Variants in KCNH1 observed in about 807,000 individuals in gnomAD.
The protein encoded by KCNH1 is voltage-gated delayed rectifier potassium channel KCNH1.
A neutral mutation model predicts 69.2 loss-of-function variants in KCNH1; 27 were observed. The observed-to-expected ratio is 0.39, with a 90% confidence interval of 0.29 to 0.54. The LOEUF (loss-of-function observed/expected upper bound fraction) is 0.54. Ranked by LOEUF, KCNH1 falls within the 20% of genes least tolerant of loss-of-function variation. KCNH1 has a pLI of 0.68. For missense variants in KCNH1, 798 were observed against 1,261.6 expected (o/e 0.63, Z 5.57); for synonymous variants, 456 against 487.7 (o/e 0.93, Z 0.86).
In KCNH1 at chr1:211,096,673, C is replaced by T. The variant is rs1026090942; in HGVS notation, c.311-5983G>A. On this transcript the variant is annotated intron_variant, in intron 3 of 10. Transcript: ENST00000271751. ...GTAGGTAAGATTCCATTTTATAAGA[C>T]GTCAAACCGCTCCCTCTAATATATA... Among the ~76,000 whole-genome samples the T allele has an allele frequency of 1.9e-4, 29 of 152,232 alleles. 1 individual carries two copies. Among genetic ancestry groups the T allele is most frequent in the African/African-American group, 6.3e-4 (26 of 41,538 alleles).
intron 6 of KCNH1, among the ~76,000 whole-genome samples, chr1:210,998,801 C>G (rs950435950): frequency 6.6e-6 from 1 of 152,090 alleles, no homozygotes; most frequent in Non-Finnish European, 1.5e-5. Flanking sequence ...ACAGAAATCA[C>G]AACAAACTGT....
chr1:210,713,389 T>G (rs115383427), intron 10 of KCNH1, among the ~76,000 whole-genome samples: 6 of 152,198 alleles, frequency 3.9e-5, no homozygotes, highest in Admixed American at 2.0e-4. Context: ...CTTTCAGCAC[T>G]GAAGATGCAG....
At chr1:211,033,584 A>G (rs536314574) in intron 5 of KCNH1, among the ~76,000 whole-genome samples, 178 of 152,372 alleles carry the variant, frequency 1.2e-3, no homozygotes, top group African/African-American at 4.2e-3. Context: ...CTATGCAGCC[A>G]TAAAAAATGA....
chr1:210,962,170 A>G (rs1338006474), intron 6 of KCNH1, among the ~76,000 whole-genome samples: 2 of 152,206 alleles, frequency 1.3e-5, no homozygotes, highest in Non-Finnish European at 2.9e-5. Context: ...TTACTCAGGA[A>G]GACTGCTGAG....
intron 6 of KCNH1, among the ~76,000 whole-genome samples, chr1:211,007,253 G>C (rs563134834): frequency 1.3e-5 from 2 of 152,116 alleles, no homozygotes. Context: ...GAATGATAAC[G>C]TAAGAAATCA....
intron 5 of KCNH1, among the ~76,000 whole-genome samples, chr1:211,067,924 G>C (rs143089080): frequency 6.6e-6 from 1 of 152,284 alleles, no homozygotes; most frequent in East Asian, 1.9e-4. Context: ...ACCGCTCCAG[G>C]TTTAGAGGAT....
At chr1:210,880,874 C>T (rs1357883336) in intron 7 of KCNH1, among the ~76,000 whole-genome samples, 1 of 151,752 alleles carries the variant, frequency 6.6e-6, no homozygotes, top group Non-Finnish European at 1.5e-5. Flanking sequence ...CTCTAAAACT[C>T]AAAAATAAAA....
chr1:210,738,552 CTTTTTTTTT>C (rs57669878), intron 10 of KCNH1, among the ~76,000 whole-genome samples: 1,237 of 49,118 alleles, frequency 0.025, 15 homozygotes, highest in African/African-American at 0.078. Flanking sequence ...GGCTTTTTTG[CTTTTTTTTT>C]TTTTTTTTTT....
chr1:210,682,875 T>G lies in KCNH1; in HGVS notation c.*406A>C. ...TTGGCCCACTGCAGTCCATGGGGGG[T>G]CTTGGCAAAGGAGCCCAGCATAGTA... On this transcript the variant is annotated 3_prime_UTR_variant, in exon 11 of 11. Coordinates refer to ENST00000271751, the MANE Select transcript of KCNH1 (RefSeq NM_172362.3). 1.7e-5 allele frequency: 3 copies of G among 174,334 alleles called. No individual in the cohort carries two copies. The highest frequency in any genetic ancestry group is 1.4e-4 in the South Asian group (1 of 7,266). 10.8% of individuals were successfully genotyped at this position (174,334 alleles called of 1,614,324 possible). A position where few individuals can be genotyped will look rare whatever the true frequency, so the allele number is the denominator to read the frequency against.
intron 9 of KCNH1, among the ~76,000 whole-genome samples, chr1:210,786,886 C>T (rs1477536642): frequency 6.6e-6 from 1 of 152,192 alleles, no homozygotes; most frequent in African/African-American, 2.4e-5. Flanking sequence ...CCTCTTGGAT[C>T]TATTTTTCTT....
chr1:210,919,874 T>C lies in KCNH1; in HGVS notation c.1228A>G (p.Thr410Ala), dbSNP rs771932229. ...IGDYEIFDED[T>A]KTIRNNSWLY... Reference sequence around the variant, plus strand: ...CAGCTGTTGTTGCGGATTGTCTTGGTGTCCTCGTCAAAGATCTCATAGTCC... The same window carrying C: ...CAGCTGTTGTTGCGGATTGTCTTGGCGTCCTCGTCAAAGATCTCATAGTCC... Residue 410 changes from threonine (T) to alanine (A), a missense_variant, in exon 7 of 11, where the codon ACC becomes GCC. Transcript: ENST00000271751. This position sits in a 1 kb window ranked among gnomAD's most constrained non-coding sequence, Gnocchi z 4.2. 1 of 1,614,074 alleles carries C rather than the reference T, an allele frequency of 6.2e-7. No individual in the cohort carries two copies. Among genetic ancestry groups the C allele is most frequent in the African/African-American group, 1.3e-5 (1 of 74,932 alleles).
At chr1:210,863,381 T>C (rs577541108) in intron 7 of KCNH1, among the ~76,000 whole-genome samples, 12 of 152,310 alleles carry the variant, frequency 7.9e-5, no homozygotes, top group Admixed American at 3.9e-4. Flanking sequence ...AAAATCACAT[T>C]ACTAGCTCTT....
chr1:211,115,720 TATATATATATAC>T (rs1406636400), intron 1 of KCNH1, among the ~76,000 whole-genome samples: 10 of 138,854 alleles, frequency 7.2e-5, no homozygotes, highest in African/African-American at 2.6e-4. Flanking sequence ...TATATATGTA[TATATATATATAC>T]ACACACACAC....
intron 10 of KCNH1, among the ~76,000 whole-genome samples, chr1:210,733,357 G>A (rs1321146864): frequency 6.6e-6 from 1 of 152,310 alleles, no homozygotes; most frequent in African/African-American, 2.4e-5. Context: ...GACTATGGTA[G>A]CTACAAAGTA....
chr1:210,805,765 C>T (rs1334693349), intron 7 of KCNH1, among the ~76,000 whole-genome samples: 1 of 152,188 alleles, frequency 6.6e-6, no homozygotes, highest in Non-Finnish European at 1.5e-5. Flanking sequence ...CTCCCAAGCC[C>T]CTTGCCCTAG....
chr1:211,030,858 T>C (rs1375578887), intron 5 of KCNH1, among the ~76,000 whole-genome samples: 2 of 151,996 alleles, frequency 1.3e-5, no homozygotes, highest in Non-Finnish European at 2.9e-5. Flanking sequence ...AAAGAAATAG[T>C]ATCTAGAATA....
intron 10 of KCNH1, among the ~76,000 whole-genome samples, chr1:210,758,271 C>T (rs1017276068): frequency 9.2e-5 from 14 of 152,168 alleles, no homozygotes; most frequent in African/African-American, 2.9e-4. Context: ...CTGGACAGGA[C>T]AAAGGCCCCC....
At chr1:210,781,518 G>A (rs1352823136) in intron 9 of KCNH1, among the ~76,000 whole-genome samples, 2 of 152,078 alleles carry the variant, frequency 1.3e-5, no homozygotes, top group African/African-American at 4.8e-5. Context: ...TCCGAGGAAG[G>A]GGCATCCTCT....
intron 6 of KCNH1, among the ~76,000 whole-genome samples, chr1:210,961,086 T>C (rs578208115): frequency 1.1e-3 from 165 of 152,360 alleles, no homozygotes; most frequent in Non-Finnish European, 1.9e-3. Context: ...ATCTGTATCA[T>C]GTCTGGGTCA....
Sources: gnomAD v4.1 joint callset for allele counts (sites outside exome capture counted in the v4.1 genomes callset) on GRCh38, gnomAD v4.1.1 for gene constraint, Gnocchi (gnomAD v3.1) non-coding constraint, MANE v1.5 for transcripts, NCBI Gene and HGNC (gene_info 2026-07-23, HGNC 2026-07-21) for gene names.